MTUS2: variants seen among roughly 807,000 people sequenced by gnomAD.
MTUS2 encodes the protein microtubule associated scaffold protein 2.
MTUS2 carries 40 observed loss-of-function variants against 114.1 expected under a neutral mutation model. The observed-to-expected ratio is 0.35, with a 90% confidence interval of 0.27 to 0.46. MTUS2 has a LOEUF of 0.46. Among genes scored for constraint, MTUS2 ranks in the 20% least tolerant of loss-of-function variants. The pLI is 1.00. For synonymous variants in MTUS2, 688 were observed against 672.0 expected (o/e 1.02, Z -0.37); for missense variants, 1,679 against 1,705.4 (o/e 0.98, Z 0.27).
intron 2 of MTUS2, among the ~76,000 whole-genome samples, chr13:29,001,733 G>A (rs1566283277): frequency 6.6e-6 from 1 of 152,158 alleles, no homozygotes; most frequent in African/African-American, 2.4e-5. Context: ...CTTTGCACAT[G>A]TGATTAAGGT....
intron 5 of MTUS2, among the ~76,000 whole-genome samples, chr13:29,254,929 C>T (rs1328358012): frequency 6.6e-6 from 1 of 152,208 alleles, no homozygotes; most frequent in African/African-American, 2.4e-5. Context: ...TTCCCTCATT[C>T]TGTACTTTTA....
chr13:29,170,473 C>T (rs1893510600), intron 5 of MTUS2, among the ~76,000 whole-genome samples: 1 of 152,194 alleles, frequency 6.6e-6, no homozygotes, highest in South Asian at 2.1e-4. Context: ...AAGGCCACGT[C>T]TGCTTCTAAG....
chr13:29,134,723 G>A (rs910696690), intron 5 of MTUS2, among the ~76,000 whole-genome samples: 5 of 152,034 alleles, frequency 3.3e-5, no homozygotes, highest in East Asian at 1.9e-4. Context: ...TTAGCTTCCC[G>A]AGTAGCTGGG....
intron 2 of MTUS2, among the ~76,000 whole-genome samples, chr13:28,974,526 A>G (rs1287095324): frequency 6.6e-6 from 1 of 152,198 alleles, no homozygotes; most frequent in East Asian, 1.9e-4. Context: ...CTGGGTGTGT[A>G]AATGAGTGCT....
In MTUS2 at chr13:29,422,365, G is replaced by A. The variant is rs118164624; in HGVS notation, c.3118-17618G>A. Among the ~76,000 whole-genome samples, 1,127 of 152,256 alleles carry A rather than the reference G, an allele frequency of 7.4e-3. 11 individuals are homozygous for A. Among genetic ancestry groups the A allele is most frequent in the Non-Finnish European group, 0.011 (722 of 68,038 alleles). On this transcript the variant is annotated intron_variant, in intron 8 of 15. Transcript: ENST00000612955. ...GTGCTTATCTCACAGAGTTTTGTGA[G>A]AGTTACGTGAGATACAGTGCACAAG...
chr13:29,076,900 A>G lies in MTUS2; in HGVS notation c.2447-23873A>G, dbSNP rs143372943. Among the ~76,000 whole-genome samples the G allele has an allele frequency of 1.1e-3, 168 of 152,294 alleles. 1 individual carries two copies. The highest frequency in any genetic ancestry group is 3.9e-3 in the African/African-American group (162 of 41,560). ...TGCAATTACAGTAAGAGTGGCATTA[A>G]TGATAGCAGCAATAGCAATGCCTAT... On this transcript the variant is annotated intron_variant, in intron 4 of 15. Coordinates refer to ENST00000612955, the MANE Select transcript of MTUS2 (RefSeq NM_001033602.4).
chr13:29,213,032 G>A (rs1344089808), intron 5 of MTUS2, among the ~76,000 whole-genome samples: 2 of 152,054 alleles, frequency 1.3e-5, no homozygotes, highest in Non-Finnish European at 2.9e-5. Flanking sequence ...TGATGCTTCT[G>A]TTACCCAGGA....
At chr13:29,161,536 T>C (rs573726579) in intron 5 of MTUS2, among the ~76,000 whole-genome samples, 1 of 152,264 alleles carries the variant, frequency 6.6e-6, no homozygotes, top group South Asian at 2.1e-4. Context: ...TTTTCGACTC[T>C]TTTCTTGCAA....
chr13:29,006,988 C>T (rs1004618278), intron 2 of MTUS2, among the ~76,000 whole-genome samples: 19 of 152,144 alleles, frequency 1.2e-4, no homozygotes, highest in Non-Finnish European at 5.9e-5. Flanking sequence ...GTCTTTCCTC[C>T]CACTGATTCA....
chr13:29,497,554 T>A (rs1486063930), intron 13 of MTUS2: 1 of 575,178 alleles, frequency 1.7e-6, no homozygotes, highest in Admixed American at 3.0e-5. Context: ...TACGTGTTAT[T>A]TTTGCCAAAT....
At chr13:29,442,624 C>T (rs1285701256) in intron 9 of MTUS2, among the ~76,000 whole-genome samples, 2 of 2,680 alleles carry the variant, frequency 7.5e-4, no homozygotes, top group Non-Finnish European at 5.4e-3. Context: ...TCTGAATCCC[C>T]CAAACCAGCA....
At chr13:28,953,433 C>G (rs1334569604) in intron 2 of MTUS2, among the ~76,000 whole-genome samples, 1 of 152,158 alleles carries the variant, frequency 6.6e-6, no homozygotes, top group East Asian at 1.9e-4. Context: ...CTCTTGAAAT[C>G]TGGACGTGGA....
rs759144280 is a variant in MTUS2 at position 29,390,025 on chromosome 13, GTGTATGTA to G, written c.3117+30560_3117+30567del. Among the ~76,000 whole-genome samples the G allele has an allele frequency of 3.0e-3, 6 of 1,982 alleles. 1 individual carries two copies. Among genetic ancestry groups the G allele is most frequent in the African/African-American group, 3.3e-3 (6 of 1,818 alleles). 1.3% of individuals were successfully genotyped at this position (1,982 alleles called of 152,430 possible). ...TGTGTATATATACACATACATGTATGTGTATGTATGTATGTGTATATATACACATACAT... is the reference window on the plus strand; with the variant it reads ...TGTGTATATATACACATACATGTATGTGTATGTGTATATATACACATACAT... On this transcript the variant is annotated intron_variant, in intron 8 of 15. Coordinates refer to ENST00000612955, the MANE Select transcript of MTUS2 (RefSeq NM_001033602.4).
At chr13:29,224,354 C>T (rs571679986) in intron 5 of MTUS2, among the ~76,000 whole-genome samples, 18 of 152,264 alleles carry the variant, frequency 1.2e-4, no homozygotes, top group Admixed American at 2.6e-4. Flanking sequence ...ATTATCCCTT[C>T]AAATATTTCT....
intron 9 of MTUS2, among the ~76,000 whole-genome samples, chr13:29,473,655 A>G (rs1480128916): frequency 6.6e-6 from 1 of 152,212 alleles, no homozygotes; most frequent in South Asian, 2.1e-4. Flanking sequence ...TTCATTGTCA[A>G]TAATCATCAG....
At chr13:28,873,091 T>C (rs1422448104) in intron 2 of MTUS2, among the ~76,000 whole-genome samples, 2 of 152,186 alleles carry the variant, frequency 1.3e-5, no homozygotes, top group African/African-American at 4.8e-5. Flanking sequence ...AATGAAAATA[T>C]CATTCAAGGA....
At position 29,113,943 on chromosome 13, in the gene MTUS2, TG is replaced by T. The variant is rs750233035; in HGVS notation, c.2644+12974del. The stretch of plus-strand genomic sequence containing the variant: ...TGGCTTCGCACCATCCCCTTTGGTA[TG>T]TCCTTGTGATAGCAAGTGAGTTCCC... On this transcript the variant is annotated intron_variant, in intron 5 of 15. Transcript: ENST00000612955. 2.6e-5 allele frequency among the ~76,000 whole-genome samples: 4 copies of T among 152,278 alleles called. No individual in the cohort carries two copies. In the East Asian group the frequency reaches 7.7e-4, roughly 29 times the overall value.
intron 9 of MTUS2, among the ~76,000 whole-genome samples, chr13:29,456,663 C>T (rs8002833): frequency 0.064 from 9,675 of 151,970 alleles, 346 homozygotes; most frequent in African/African-American, 0.087. Flanking sequence ...GACAGTTGGC[C>T]TTATCAGAAA....
chr13:29,427,408 G>A lies in MTUS2; in HGVS notation c.3118-12575G>A, dbSNP rs563940032. On this transcript the variant is annotated intron_variant, in intron 8 of 15. Coordinates refer to ENST00000612955, the MANE Select transcript of MTUS2 (RefSeq NM_001033602.4). ...TCCACATTTTTATGCTGTTACCAAC[G>A]ATGCTGAATTGAAGATCCTTATGCA... 1.5e-3 allele frequency among the ~76,000 whole-genome samples: 235 copies of A among 152,196 alleles called. 1 individual carries two copies. Among genetic ancestry groups the A allele is most frequent in the African/African-American group, 5.2e-3 (217 of 41,518 alleles).
Sources: allele counts gnomAD v4.1 joint callset (sites outside exome capture counted in the v4.1 genomes callset), GRCh38; gene constraint gnomAD v4.1.1; transcripts MANE v1.5; gene names NCBI Gene and HGNC (gene_info 2026-07-23, HGNC 2026-07-21).